VRTN: variants seen among roughly 807,000 people sequenced by gnomAD.
VRTN encodes the protein vertebrae development associated.
In VRTN, 5 loss-of-function variants were observed where a neutral mutation model predicts 18.2. The ratio of observed to expected loss-of-function variants is 0.27; its 90% CI spans 0.14 to 0.58. The LOEUF (loss-of-function observed/expected upper bound fraction) is 0.58. Ranked by LOEUF, VRTN falls within the 20% of genes least tolerant of loss-of-function variation. The pLI is 0.91. For synonymous variants in VRTN, 381 were observed against 393.7 expected (o/e 0.97, Z 0.38); for missense variants, 741 against 939.4 (o/e 0.79, Z 2.76).
intron 1 of VRTN, among the ~76,000 whole-genome samples, chr14:74,327,736 A>G (rs1290465571): frequency 6.6e-6 from 1 of 151,006 alleles, no homozygotes; most frequent in Non-Finnish European, 1.5e-5. Context: ...TTATTATTTG[A>G]GATGGAGTCT....
chr14:74,337,241 G>T (rs752030514), intron 1 of VRTN, among the ~76,000 whole-genome samples: 1 of 152,102 alleles, frequency 6.6e-6, no homozygotes, highest in Non-Finnish European at 1.5e-5. Flanking sequence ...TATTCGGGAA[G>T]CTGAGGCAGG....
At chr14:74,312,428 A>G (rs1025910422) in intron 1 of VRTN, among the ~76,000 whole-genome samples, 41 of 152,254 alleles carry the variant, frequency 2.7e-4, no homozygotes, top group Admixed American at 2.6e-4. Context: ...TAAAGAGCCC[A>G]TATGCTTAAG....
intron 1 of VRTN, among the ~76,000 whole-genome samples, chr14:74,331,094 C>G (rs1047368687): frequency 2.6e-5 from 4 of 151,802 alleles, no homozygotes; most frequent in Non-Finnish European, 5.9e-5. Context: ...CCCAGCTACT[C>G]GGGAGGCTGA....
chr14:74,317,673 G>A (rs1255358214), intron 1 of VRTN, among the ~76,000 whole-genome samples: 1 of 152,046 alleles, frequency 6.6e-6, no homozygotes, highest in Non-Finnish European at 1.5e-5. Flanking sequence ...GTGGTGGCAG[G>A]TGCCTATAAT....
chr14:74,323,389 G>T (rs934874754), intron 1 of VRTN, among the ~76,000 whole-genome samples: 1 of 152,080 alleles, frequency 6.6e-6, no homozygotes, highest in African/African-American at 2.4e-5. Context: ...TTTGAGACCA[G>T]CCTGGCCAAC....
At chr14:74,341,885 A>G (rs2085607426) in intron 2 of VRTN, among the ~76,000 whole-genome samples, 1 of 152,182 alleles carries the variant, frequency 6.6e-6, no homozygotes, top group African/African-American at 2.4e-5. Flanking sequence ...ATTTTGTTCA[A>G]AGCGAGGTAT....
intron 1 of VRTN, among the ~76,000 whole-genome samples, chr14:74,320,561 C>CTTTT (rs1567039607): frequency 1.1e-5 from 1 of 91,522 alleles, no homozygotes; most frequent in African/African-American, 4.5e-5. Context: ...TGCGCCCGGC[C>CTTTT]TCTTTTTTTT....
intron 1 of VRTN, among the ~76,000 whole-genome samples, chr14:74,305,798 G>A (rs1488926367): frequency 6.6e-6 from 1 of 152,016 alleles, no homozygotes; most frequent in East Asian, 1.9e-4. Flanking sequence ...ACCATGCCTG[G>A]CTAAGTTCTG....
At chr14:74,314,263 C>T (rs1428171470) in intron 1 of VRTN, among the ~76,000 whole-genome samples, 1 of 152,032 alleles carries the variant, frequency 6.6e-6, no homozygotes. Context: ...TTCCCAGTAG[C>T]TGGAGTTGCA....
At chr14:74,341,451 C>CT (rs1309767012) in intron 2 of VRTN, among the ~76,000 whole-genome samples, 2 of 152,160 alleles carry the variant, frequency 1.3e-5, no homozygotes, top group African/African-American at 4.8e-5. Flanking sequence ...TACACAACCC[C>CT]TGGAAAGCTG....
chr14:74,330,072 G>A (rs953757277), intron 1 of VRTN, among the ~76,000 whole-genome samples: 6 of 150,854 alleles, frequency 4.0e-5, no homozygotes, highest in Non-Finnish European at 7.4e-5. Flanking sequence ...ACGGGGTTTC[G>A]CTATGTTGGC....
chr14:74,317,845 G>T (rs1389679426), intron 1 of VRTN, among the ~76,000 whole-genome samples: 1 of 151,514 alleles, frequency 6.6e-6, no homozygotes, highest in Non-Finnish European at 1.5e-5. Flanking sequence ...CTCAATGGTG[G>T]CTGGGCACAG....
chr14:74,328,313 G>A (rs1191058701), intron 1 of VRTN, among the ~76,000 whole-genome samples: 1 of 152,132 alleles, frequency 6.6e-6, no homozygotes, highest in Non-Finnish European at 1.5e-5. Flanking sequence ...GAGCCCAGTG[G>A]ATCTCTGTAG....
At chr14:74,321,099 G>A (rs1330005358) in intron 1 of VRTN, among the ~76,000 whole-genome samples, 1 of 152,006 alleles carries the variant, frequency 6.6e-6, no homozygotes, top group Non-Finnish European at 1.5e-5. Flanking sequence ...AAATAGAAAT[G>A]GGAATTACAC....
intron 2 of VRTN, among the ~76,000 whole-genome samples, chr14:74,343,000 A>T (rs1163925986): frequency 6.6e-6 from 1 of 152,202 alleles, no homozygotes; most frequent in African/African-American, 2.4e-5. Context: ...AAACAAAAAA[A>T]CTATACTGAG....
chr14:74,342,536 C>G (rs1375989176), intron 2 of VRTN, among the ~76,000 whole-genome samples: 1 of 151,654 alleles, frequency 6.6e-6, no homozygotes, highest in African/African-American at 2.4e-5. Flanking sequence ...TATATATACA[C>G]ACATATACAC....
intron 1 of VRTN, among the ~76,000 whole-genome samples, chr14:74,329,526 G>A (rs1171575663): frequency 6.6e-6 from 1 of 151,904 alleles, no homozygotes; most frequent in African/African-American, 2.4e-5. Context: ...ACCCACCTTG[G>A]GTCTACCAAG....
chr14:74,349,935 G>A (rs2085673265), intron 1 of VRTN, among the ~76,000 whole-genome samples: 1 of 152,120 alleles, frequency 6.6e-6, no homozygotes, highest in African/African-American at 2.4e-5. Flanking sequence ...AATCCCGAGT[G>A]TGCCTTGCCT....
intron 2 of VRTN, among the ~76,000 whole-genome samples, chr14:74,339,142 G>A (rs1482572529): frequency 6.6e-6 from 1 of 152,132 alleles, no homozygotes; most frequent in Non-Finnish European, 1.5e-5. Flanking sequence ...AGGATTACAG[G>A]TGGGAGCCAC....
Sources: gnomAD v4.1 joint callset for allele counts (sites outside exome capture counted in the v4.1 genomes callset) on GRCh38, gnomAD v4.1.1 for gene constraint, MANE v1.5 for transcripts, NCBI Gene and HGNC (gene_info 2026-07-23, HGNC 2026-07-21) for gene names.